The following HDAC9 variants were observed in gnomAD, a reference collection of about 807,000 sequenced individuals.
The protein encoded by HDAC9 is MEF-2 interacting transcription repressor (MITR) protein.
Under a neutral mutation model 139.4 loss-of-function variants are expected in HDAC9, and 41 were observed. That is an observed-to-expected ratio of 0.29 (90% CI 0.23 to 0.38). HDAC9 has a LOEUF of 0.38. HDAC9 is among the 10% of genes least tolerant of loss of function. HDAC9 has a pLI of 1.00. For synonymous variants in HDAC9, 517 were observed against 476.2 expected (o/e 1.09, Z -1.12); for missense variants, 1,147 against 1,297.0 (o/e 0.88, Z 1.78).
rs539785383 is a variant in HDAC9, at chr7:18,822,662, T to C, written c.2323-6499T>C. ...GCCAGCACACCTGGCCACATATTTC[T>C]TTTTTATGTCATAGGTGAACAGAGA... On this transcript the variant is annotated intron_variant, in intron 17 of 25. Transcript: ENST00000686413. Among the ~76,000 whole-genome samples, 6 of 152,320 alleles carry C rather than the reference T, an allele frequency of 3.9e-5. No homozygotes were observed. The East Asian group carries it at 1.2e-3, about 29-fold the overall frequency.
chr7:18,952,168 C>G (rs916639999), intron 23 of HDAC9, among the ~76,000 whole-genome samples: 3 of 151,880 alleles, frequency 2.0e-5, no homozygotes, highest in African/African-American at 7.2e-5. Flanking sequence ...ATTTAATTGC[C>G]TTAATTCTCT....
At chr7:18,331,407 C>A (rs1396057176) in intron 1 of HDAC9, among the ~76,000 whole-genome samples, 1 of 151,552 alleles carries the variant, frequency 6.6e-6, no homozygotes, top group Non-Finnish European at 1.5e-5. Flanking sequence ...TACATATTTT[C>A]AGTTAAAATT....
At chr7:18,598,697 C>A (rs570542536) in intron 6 of HDAC9, among the ~76,000 whole-genome samples, 1 of 152,298 alleles carries the variant, frequency 6.6e-6, no homozygotes, top group East Asian at 1.9e-4. Flanking sequence ...AAAACTAAAT[C>A]TCTTTTTGTT....
chr7:18,905,446 A>G (rs775559905), intron 22 of HDAC9, among the ~76,000 whole-genome samples: 1 of 152,224 alleles, frequency 6.6e-6, no homozygotes, highest in Admixed American at 6.5e-5. Flanking sequence ...TTAAGATTGT[A>G]CAAGTGAGGT....
intron 2 of HDAC9, among the ~76,000 whole-genome samples, chr7:18,272,807 CTAA>C (rs2128214642): frequency 6.6e-6 from 1 of 151,830 alleles, no homozygotes; most frequent in South Asian, 2.1e-4. Flanking sequence ...ATTTGACAAG[CTAA>C]TTCTCAGATT....
At chr7:18,827,039 G>A (rs1201333403) in intron 17 of HDAC9, among the ~76,000 whole-genome samples, 1 of 151,556 alleles carries the variant, frequency 6.6e-6, no homozygotes, top group Non-Finnish European at 1.5e-5. Context: ...GAATGCTTGA[G>A]CCCAGGAGTT....
At chr7:18,824,490 G>A (rs143280437) in intron 17 of HDAC9, among the ~76,000 whole-genome samples, 2 of 152,310 alleles carry the variant, frequency 1.3e-5, no homozygotes, top group African/African-American at 4.8e-5. Flanking sequence ...TGAATGGATT[G>A]GAAGTCCCAG....
intron 24 of HDAC9, among the ~76,000 whole-genome samples, chr7:18,963,087 GA>G (rs1484899923): frequency 2.0e-5 from 3 of 152,182 alleles, no homozygotes; most frequent in Admixed American, 2.0e-4. Flanking sequence ...AAATGTAATA[GA>G]GTTTGCATGC....
intron 22 of HDAC9, among the ~76,000 whole-genome samples, chr7:18,922,410 A>G (rs987681672): frequency 1.3e-5 from 2 of 152,106 alleles, no homozygotes; most frequent in African/African-American, 4.8e-5. Context: ...ATCAACTCAA[A>G]TAACACAGCT....
At chr7:18,733,030 T>A (rs181740033) in intron 13 of HDAC9, among the ~76,000 whole-genome samples, 1 of 146,526 alleles carries the variant, frequency 6.8e-6, no homozygotes, top group Non-Finnish European at 1.5e-5. Context: ...TATATATGTA[T>A]ATATACAGAT....
At chr7:18,458,626 G>A (rs1052729122) in intron 1 of HDAC9, among the ~76,000 whole-genome samples, 2 of 152,178 alleles carry the variant, frequency 1.3e-5, no homozygotes, top group Admixed American at 1.3e-4. Flanking sequence ...CTTTTGCAGT[G>A]TTCTGTATCA....
intron 2 of HDAC9, among the ~76,000 whole-genome samples, chr7:18,183,363 A>G (rs1013294873): frequency 2.0e-5 from 3 of 152,180 alleles, no homozygotes; most frequent in Non-Finnish European, 2.9e-5. Flanking sequence ...AAATGAACCA[A>G]TCCCTCAATC....
chr7:18,809,959 G>GA (rs754328433), intron 17 of HDAC9, among the ~76,000 whole-genome samples: 1 of 151,910 alleles, frequency 6.6e-6, no homozygotes, highest in Non-Finnish European at 1.5e-5. Flanking sequence ...GCAAGATACG[G>GA]AAAAAACCTA....
At chr7:18,816,164 C>G (rs1483767954) in intron 17 of HDAC9, among the ~76,000 whole-genome samples, 2 of 152,210 alleles carry the variant, frequency 1.3e-5, no homozygotes, top group African/African-American at 4.8e-5. Flanking sequence ...TCCTCTTTCC[C>G]TTTCTCATAA....
chr7:18,959,284 A>G (rs1442584446), intron 24 of HDAC9, among the ~76,000 whole-genome samples: 2 of 152,184 alleles, frequency 1.3e-5, no homozygotes, highest in Admixed American at 1.3e-4. Context: ...CAAATAATGA[A>G]TGATATTGAT....
intron 21 of HDAC9, among the ~76,000 whole-genome samples, chr7:18,840,547 T>C (rs1200635333): frequency 6.6e-6 from 1 of 152,102 alleles, no homozygotes; most frequent in African/African-American, 2.4e-5. Flanking sequence ...TATTGACTTA[T>C]GTAGGTAGTA....
intron 2 of HDAC9, among the ~76,000 whole-genome samples, chr7:18,214,209 C>A (rs993968203): frequency 6.6e-6 from 1 of 151,902 alleles, no homozygotes; most frequent in Non-Finnish European, 1.5e-5. Context: ...CTAGAATTAT[C>A]ACTAGAATGA....
At chr7:18,631,192 C>T (rs923809370) in intron 7 of HDAC9, among the ~76,000 whole-genome samples, 2 of 152,020 alleles carry the variant, frequency 1.3e-5, no homozygotes, top group Non-Finnish European at 2.9e-5. Flanking sequence ...GAGTTTTACT[C>T]GAATTTCCTT....
chr7:18,407,567 AAAT>A (rs2128741341), intron 1 of HDAC9, among the ~76,000 whole-genome samples: 1 of 152,292 alleles, frequency 6.6e-6, no homozygotes, highest in South Asian at 2.1e-4. Context: ...ATAAAAAAAA[AAAT>A]CATCCCATTG....
Sources: gnomAD v4.1 joint callset for allele counts (sites outside exome capture counted in the v4.1 genomes callset) on GRCh38, gnomAD v4.1.1 for gene constraint, MANE v1.5 for transcripts, NCBI Gene and HGNC (gene_info 2026-07-23, HGNC 2026-07-21) for gene names.